PAX5: variants seen among roughly 807,000 people sequenced by gnomAD.
PAX5 encodes paired box protein Pax-5.
In PAX5, 9 loss-of-function variants were observed where a neutral mutation model predicts 43.7. That is an observed-to-expected ratio of 0.21 (90% CI 0.12 to 0.36). PAX5 has a LOEUF of 0.36. Among genes scored for constraint, PAX5 ranks in the 10% least tolerant of loss-of-function variants. The probability of loss-of-function intolerance (pLI) is 1.00; values close to 1 mark genes in which losing one functional copy is unlikely to be tolerated. For synonymous variants in PAX5, 228 were observed against 214.3 expected (o/e 1.06, Z -0.56); for missense variants, 383 against 532.7 (o/e 0.72, Z 2.77).
At chr9:36,859,884 A>T (rs1824032382) in intron 8 of PAX5, among the ~76,000 whole-genome samples, 1 of 151,688 alleles carries the variant, frequency 6.6e-6, no homozygotes, top group Non-Finnish European at 1.5e-5. Flanking sequence ...AATACAAAAA[A>T]ATTAGCCAGG....
At chr9:36,858,685 A>G (rs984753387) in intron 8 of PAX5, among the ~76,000 whole-genome samples, 2 of 152,148 alleles carry the variant, frequency 1.3e-5, no homozygotes, top group Non-Finnish European at 2.9e-5. Flanking sequence ...AAAATGGCCC[A>G]GCCCCCTCCA....
intron 8 of PAX5, among the ~76,000 whole-genome samples, chr9:36,881,216 T>A (rs912834853): frequency 6.6e-6 from 1 of 152,108 alleles, no homozygotes; most frequent in Non-Finnish European, 1.5e-5. Flanking sequence ...AAAATTAAAT[T>A]AAATAAATAA....
At chr9:36,886,953 G>A (rs2131793878) in intron 7 of PAX5, among the ~76,000 whole-genome samples, 1 of 152,314 alleles carries the variant, frequency 6.6e-6, no homozygotes, top group East Asian at 1.9e-4. Context: ...TCCTCCAGAA[G>A]AGACACATTT....
chr9:37,025,009 G>T (rs1189131302), intron 1 of PAX5, among the ~76,000 whole-genome samples: 1 of 152,184 alleles, frequency 6.6e-6, no homozygotes, highest in Non-Finnish European at 1.5e-5. Context: ...GTTTGTTTTG[G>T]GCTTACATTG....
chr9:37,028,439 T>C (rs1399687111), intron 1 of PAX5, among the ~76,000 whole-genome samples: 1 of 152,096 alleles, frequency 6.6e-6, no homozygotes, highest in African/African-American at 2.4e-5. Context: ...GCAGAGACGT[T>C]GGGGGAAGGG....
At chr9:36,903,658 C>G (rs924950186) in intron 7 of PAX5, among the ~76,000 whole-genome samples, 6 of 152,218 alleles carry the variant, frequency 3.9e-5, no homozygotes, top group African/African-American at 1.4e-4. Context: ...TGCCCATCCA[C>G]TCACCAAACC....
At chr9:36,920,573 G>C (rs1830084753) in intron 7 of PAX5, among the ~76,000 whole-genome samples, 1 of 152,188 alleles carries the variant, frequency 6.6e-6, no homozygotes. Context: ...CTAGACTACA[G>C]TACTGGTTGA....
chr9:36,974,002 A>T (rs1031988603), intron 5 of PAX5, among the ~76,000 whole-genome samples: 10 of 151,998 alleles, frequency 6.6e-5, no homozygotes, highest in South Asian at 2.1e-4. Flanking sequence ...TCTGTCTCAA[A>T]AATAATAATA....
chr9:36,901,565 G>T (rs983677673), intron 7 of PAX5, among the ~76,000 whole-genome samples: 2 of 152,208 alleles, frequency 1.3e-5, no homozygotes, highest in Non-Finnish European at 2.9e-5. Context: ...TGAGGAGAGT[G>T]TTAGCCTCAC....
At chr9:36,966,333 G>T (rs1834432283) in intron 6 of PAX5, among the ~76,000 whole-genome samples, 1 of 152,232 alleles carries the variant, frequency 6.6e-6, no homozygotes. Flanking sequence ...AGCGACAGAG[G>T]CACCAGGGCA....
intron 9 of PAX5, among the ~76,000 whole-genome samples, chr9:36,843,809 G>A (rs575722894): frequency 4.6e-5 from 7 of 152,246 alleles, no homozygotes; most frequent in Non-Finnish European, 1.0e-4. Flanking sequence ...TCTGTTGGGA[G>A]TGGGTGGCAA....
At chr9:36,984,435 C>CTCTTTTT (rs1836212405) in intron 5 of PAX5, among the ~76,000 whole-genome samples, 1 of 66,874 alleles carries the variant, frequency 1.5e-5, no homozygotes, top group African/African-American at 6.6e-5. Flanking sequence ...TTGAACCTCT[C>CTCTTTTT]TTTTTTTTTT....
chr9:36,971,726 G>C (rs1437761315), intron 5 of PAX5, among the ~76,000 whole-genome samples: 1 of 152,210 alleles, frequency 6.6e-6, no homozygotes, highest in Non-Finnish European at 1.5e-5. Flanking sequence ...AGCTTCAGGG[G>C]AGCAAGGGGC....
chr9:36,856,123 C>T (rs1823643407), intron 8 of PAX5, among the ~76,000 whole-genome samples: 1 of 152,200 alleles, frequency 6.6e-6, no homozygotes, highest in African/African-American at 2.4e-5. Flanking sequence ...TGCAGCCCCA[C>T]CCCCAGCACA....
At chr9:36,911,348 G>C (rs904167664) in intron 7 of PAX5, among the ~76,000 whole-genome samples, 4 of 151,184 alleles carry the variant, frequency 2.6e-5, no homozygotes, top group Non-Finnish European at 4.4e-5. Flanking sequence ...TTTGAGATCG[G>C]GGGGGTCTCC....
rs575454193 is a variant in PAX5 at position 36,953,683 on chromosome 9, G to A, written c.780+12866C>T. On this transcript the variant is annotated intron_variant, in intron 6 of 9. Transcript: ENST00000358127. ...TTATTTTTCTTTTGATTCTTTCTTA[G>A]AATTTTCATCTCTCTGCTTACATTA... Among the ~76,000 whole-genome samples the A allele has an allele frequency of 2.5e-3, 387 of 152,110 alleles. 1 individual carries two copies. Among genetic ancestry groups the A allele is most frequent in the Non-Finnish European group, 2.2e-3 (148 of 67,988 alleles).
At chr9:36,858,144 T>C (rs544963443) in intron 8 of PAX5, among the ~76,000 whole-genome samples, 1 of 152,364 alleles carries the variant, frequency 6.6e-6, no homozygotes, top group Non-Finnish European at 1.5e-5. Flanking sequence ...TATTGATGCA[T>C]TTCAAAGTCC....
chr9:36,834,610 C>T lies in PAX5; in HGVS notation c.*5950G>A, dbSNP rs903281956. The T allele has an allele frequency of 4.3e-6, 1 of 233,144 alleles. No homozygotes were observed. The highest frequency in any genetic ancestry group is 8.5e-6 in the Non-Finnish European group (1 of 118,028). The allele number at this position is 233,144 out of a possible 1,614,324, so 14.4% of individuals were successfully genotyped here. On this transcript the variant is annotated 3_prime_UTR_variant, in exon 10 of 10. Coordinates refer to ENST00000358127, the MANE Select transcript of PAX5 (RefSeq NM_016734.3). ...GTTGGAATGTTCAACTCTCCATTTC[C>T]TCAAATACAATAAAATAGTTTCATT...
intron 1 of PAX5, among the ~76,000 whole-genome samples, chr9:37,030,938 C>T (rs1238982446): frequency 6.6e-6 from 1 of 152,220 alleles, no homozygotes; most frequent in East Asian, 1.9e-4. Flanking sequence ...GGGATGCTGC[C>T]AGCATGGCTG....
Sources: gnomAD v4.1 joint callset for allele counts (sites outside exome capture counted in the v4.1 genomes callset) on GRCh38, gnomAD v4.1.1 for gene constraint, MANE v1.5 for transcripts, NCBI Gene and HGNC (gene_info 2026-07-23, HGNC 2026-07-21) for gene names.